FAR2: variants seen among roughly 807,000 people sequenced by gnomAD.
The protein encoded by FAR2 is fatty acyl-CoA reductase 2, also known as epididymis secretory protein Li 81.
In FAR2, 19 loss-of-function variants were observed where a neutral mutation model predicts 56.0. The ratio of observed to expected loss-of-function variants is 0.34; its 90% CI spans 0.24 to 0.50. The LOEUF (loss-of-function observed/expected upper bound fraction) is 0.50, where lower values mean the gene tolerates loss of function less well. FAR2 is among the 20% of genes least tolerant of loss of function. The pLI, the probability that FAR2 is intolerant of heterozygous loss-of-function variation, is 0.98. For missense variants in FAR2, 508 were observed against 642.2 expected (o/e 0.79, Z 2.26); for synonymous variants, 219 against 218.8 (o/e 1.00, Z -0.01).
chr12:29,249,591 G>A (rs374023034), intron 1 of FAR2, among the ~76,000 whole-genome samples: 2 of 152,278 alleles, frequency 1.3e-5, no homozygotes, highest in East Asian at 3.9e-4. Flanking sequence ...TAGTAAATAG[G>A]TAGAAGTTTC....
At chr12:29,213,035 C>A (rs1947570465) in intron 1 of FAR2, among the ~76,000 whole-genome samples, 1 of 152,086 alleles carries the variant, frequency 6.6e-6, no homozygotes, top group Admixed American at 6.5e-5. Context: ...CTAAAAATTA[C>A]AATAGCATAA....
intron 9 of FAR2, among the ~76,000 whole-genome samples, chr12:29,319,283 G>A (rs12823372): frequency 0.12 from 18,165 of 152,094 alleles, 1,254 homozygotes; most frequent in Middle Eastern, 0.24. Context: ...GAGCCACCGC[G>A]CCCGGCCAAG....
intron 1 of FAR2, among the ~76,000 whole-genome samples, chr12:29,168,244 T>C (rs1949850319): frequency 6.6e-6 from 1 of 152,298 alleles, no homozygotes; most frequent in East Asian, 1.9e-4. Context: ...GATGAACCTT[T>C]GCCTTTGCTG....
At chr12:29,213,460 C>T (rs892497019) in intron 1 of FAR2, among the ~76,000 whole-genome samples, 1 of 152,032 alleles carries the variant, frequency 6.6e-6, no homozygotes, top group Non-Finnish European at 1.5e-5. Context: ...GAGGCCAAGG[C>T]GGGTAGATCA....
At chr12:29,305,623 A>G (rs11609540) in intron 4 of FAR2, among the ~76,000 whole-genome samples, 18,182 of 152,160 alleles carry the variant, frequency 0.12, 1,258 homozygotes, top group Middle Eastern at 0.24. Context: ...TGCCATTTTC[A>G]CAAGTACAAT....
intron 1 of FAR2, among the ~76,000 whole-genome samples, chr12:29,266,084 A>G (rs540860307): frequency 1.1e-4 from 16 of 152,294 alleles, no homozygotes; most frequent in African/African-American, 3.8e-4. Flanking sequence ...CATTAGTACA[A>G]TCACTACAGA....
At chr12:29,151,944 A>G (rs1342216348) in intron 1 of FAR2, 1 of 152,206 alleles carries the variant, frequency 6.6e-6, no homozygotes, top group East Asian at 1.9e-4. Flanking sequence ...TTTGCCCTCC[A>G]TTTTTCAGAA....
At chr12:29,151,361 T>C (rs371782090) in intron 1 of FAR2, 1 of 152,204 alleles carries the variant, frequency 6.6e-6, no homozygotes, top group Non-Finnish European at 1.5e-5. Flanking sequence ...GACAAATGCA[T>C]ACATATTAAC....
intron 1 of FAR2, among the ~76,000 whole-genome samples, chr12:29,194,090 C>A (rs1417200302): frequency 6.6e-6 from 1 of 152,176 alleles, no homozygotes; most frequent in Non-Finnish European, 1.5e-5. Context: ...CCATTGACCC[C>A]TGCAGACATT....
intron 10 of FAR2, among the ~76,000 whole-genome samples, chr12:29,326,771 C>G (rs1236974664): frequency 1.3e-5 from 2 of 151,976 alleles, no homozygotes; most frequent in Admixed American, 6.6e-5. Flanking sequence ...TAAGAGCTAT[C>G]TATGAAAAAC....
At chr12:29,224,530 G>A (rs1947735377) in intron 1 of FAR2, among the ~76,000 whole-genome samples, 1 of 152,178 alleles carries the variant, frequency 6.6e-6, no homozygotes, top group African/African-American at 2.4e-5. Context: ...TTACAGCAGA[G>A]ATTATACATT....
At position 29,299,232 on chromosome 12, in the gene FAR2, A is replaced by AAAAG. The variant is rs1555121547; in HGVS notation, c.545+2040_545+2043dup. On this transcript the variant is annotated intron_variant, in intron 4 of 11. Coordinates refer to ENST00000536681, the MANE Select transcript of FAR2 (RefSeq NM_001271783.2). ...TTGTCTCAAAAAAAAAAAAAAAAAAAAAAGAAAGAAAAAGAAAAGAAAAGA... is the reference window on the plus strand; with the variant it reads ...TTGTCTCAAAAAAAAAAAAAAAAAAAAAAGAAAGAAAGAAAAAGAAAAGAAAAGA... Among the ~76,000 whole-genome samples, 538 of 136,452 alleles carry AAAAG rather than the reference A, an allele frequency of 3.9e-3. 6 individuals are homozygous for AAAAG. Among genetic ancestry groups the AAAAG allele is most frequent in the Middle Eastern group, 7.5e-3 (2 of 268 alleles). The allele number at this position is 136,452 out of a possible 152,430, so 89.5% of individuals were successfully genotyped here.
At chr12:29,172,026 G>T (rs1464765880) in intron 1 of FAR2, 2 of 149,834 alleles carry the variant, frequency 1.3e-5, no homozygotes, top group African/African-American at 5.0e-5. Context: ...GGGAAGTGAG[G>T]AGCACCTCTG....
intron 1 of FAR2, among the ~76,000 whole-genome samples, chr12:29,206,211 T>A (rs1947476898): frequency 6.6e-6 from 1 of 152,234 alleles, no homozygotes; most frequent in Admixed American, 6.5e-5. Context: ...TCATCAGGTT[T>A]TGCATATTGG....
chr12:29,311,595 A>T (rs1949352436), intron 7 of FAR2, among the ~76,000 whole-genome samples: 2 of 151,900 alleles, frequency 1.3e-5, no homozygotes, highest in South Asian at 4.2e-4. Context: ...GTCTGTTAGT[A>T]AATTAAATTT....
chr12:29,236,016 A>G (rs887832423), intron 1 of FAR2, among the ~76,000 whole-genome samples: 3 of 152,176 alleles, frequency 2.0e-5, no homozygotes, highest in Non-Finnish European at 4.4e-5. Flanking sequence ...ATTGTAAAGC[A>G]TATTCCAAAA....
chr12:29,161,398 A>G (rs1468910989), intron 1 of FAR2, among the ~76,000 whole-genome samples: 1 of 152,222 alleles, frequency 6.6e-6, no homozygotes, highest in Non-Finnish European at 1.5e-5. Context: ...ATGAAATTAT[A>G]TAGTAATACT....
chr12:29,273,731 G>C (rs1386839641), intron 2 of FAR2, among the ~76,000 whole-genome samples: 1 of 152,278 alleles, frequency 6.6e-6, no homozygotes, highest in Non-Finnish European at 1.5e-5. Flanking sequence ...CTGAGAGGCT[G>C]TAAGAATCTG....
rs12319600 is a variant in FAR2 at position 29,213,412 on chromosome 12, G to A, written c.-38-57000G>A. On this transcript the variant is annotated intron_variant, in intron 1 of 11. Transcript: ENST00000536681. ...TACAATAAAATTAAGTCTATCAGCCGGACGCGGTGGCTCACGCCTGTCATT... is the reference window on the plus strand; with the variant it reads ...TACAATAAAATTAAGTCTATCAGCCAGACGCGGTGGCTCACGCCTGTCATT... Among the ~76,000 whole-genome samples the A allele has an allele frequency of 4.6e-3, 705 of 152,226 alleles. 4 individuals are homozygous for A. Among genetic ancestry groups the A allele is most frequent in the Middle Eastern group, 0.017 (5 of 294 alleles).
Sources: gnomAD v4.1 joint callset for allele counts (sites outside exome capture counted in the v4.1 genomes callset) on GRCh38, gnomAD v4.1.1 for gene constraint, MANE v1.5 for transcripts, NCBI Gene and HGNC (gene_info 2026-07-23, HGNC 2026-07-21) for gene names.